The following LARGE1 variants were observed in gnomAD, a reference collection of about 807,000 sequenced individuals.
LARGE1 encodes xylosyl- and glucuronyltransferase LARGE1.
LARGE1 carries 43 observed loss-of-function variants against 87.6 expected under a neutral mutation model. The observed-to-expected ratio is 0.49, with a 90% CI of 0.38 to 0.63. The LOEUF (loss-of-function observed/expected upper bound fraction) is 0.63. Ranked by LOEUF, LARGE1 falls within the 30% of genes least tolerant of loss-of-function variation. LARGE1 has a pLI of 0.00. For synonymous variants in LARGE1, 434 were observed against 394.6 expected (o/e 1.10, Z -1.18); for missense variants, 802 against 1,000.2 (o/e 0.80, Z 2.67).
intron 1 of LARGE1, among the ~76,000 whole-genome samples, chr22:33,902,198 G>A (rs553013218): frequency 5.9e-5 from 9 of 152,234 alleles, no homozygotes; most frequent in East Asian, 1.9e-4. Flanking sequence ...ACTTTGGTCC[G>A]TAAGACACAC....
At chr22:33,849,130 T>G (rs2063512350) in intron 1 of LARGE1, among the ~76,000 whole-genome samples, 1 of 152,158 alleles carries the variant, frequency 6.6e-6, no homozygotes, top group Admixed American at 6.5e-5. Context: ...CCATTTCTGG[T>G]CTAGGAATGA....
intron 9 of LARGE1, among the ~76,000 whole-genome samples, chr22:33,377,921 T>C (rs2065038718): frequency 6.6e-6 from 1 of 152,228 alleles, no homozygotes; most frequent in South Asian, 2.1e-4. Context: ...CTATTCATTT[T>C]TTGAGAATCT....
At chr22:33,644,154 A>T (rs2080532128) in intron 3 of LARGE1, among the ~76,000 whole-genome samples, 1 of 152,234 alleles carries the variant, frequency 6.6e-6, no homozygotes, top group Admixed American at 6.5e-5. Context: ...TCAATGTGAA[A>T]ATCCTCGGTA....
exon 12 of LARGE1, chr22:33,164,005 C>T (rs1488113748): frequency 6.6e-6 from 1 of 152,160 alleles, no homozygotes; most frequent in East Asian, 1.9e-4. Context: ...TTTCAGCAAA[C>T]AATATTAACA....
chr22:33,114,298 T>C, the LARGE1 span, among the ~76,000 whole-genome samples: 1 of 152,198 alleles, frequency 6.6e-6, no homozygotes, highest in African/African-American at 2.4e-5. Context: ...ATATAATTGG[T>C]AGCAGTAGTA....
At chr22:33,090,600 AGT>A in the LARGE1 span, among the ~76,000 whole-genome samples, 2 of 152,164 alleles carry the variant, frequency 1.3e-5, no homozygotes, top group Non-Finnish European at 2.9e-5. Flanking sequence ...TCTGGAGTGG[AGT>A]GATAGCAATG....
chr22:33,911,129 G>A (rs1029178581), intron 1 of LARGE1, among the ~76,000 whole-genome samples: 3 of 152,204 alleles, frequency 2.0e-5, no homozygotes, highest in South Asian at 2.1e-4. Context: ...CTGGAAGAAC[G>A]TGCTTTGGGT....
At chr22:33,388,368 A>G (rs768250427) in intron 7 of LARGE1, among the ~76,000 whole-genome samples, 19 of 152,188 alleles carry the variant, frequency 1.2e-4, no homozygotes, top group Non-Finnish European at 5.9e-5. Flanking sequence ...GTCTTGAAAC[A>G]TCTTCAACTA....
intron 1 of LARGE1, among the ~76,000 whole-genome samples, chr22:33,842,293 A>G (rs753846770): frequency 6.6e-6 from 1 of 152,236 alleles, no homozygotes; most frequent in Non-Finnish European, 1.5e-5. Context: ...GCTAGAGATT[A>G]GAATCTCAAG....
At chr22:33,799,552 T>C (rs2086094272) in intron 1 of LARGE1, among the ~76,000 whole-genome samples, 1 of 152,154 alleles carries the variant, frequency 6.6e-6, no homozygotes, top group Non-Finnish European at 1.5e-5. Context: ...GCGATTCTCC[T>C]GCCTCAGCTG....
chr22:33,460,959 T>C (rs1330894840), intron 6 of LARGE1, among the ~76,000 whole-genome samples: 2 of 152,184 alleles, frequency 1.3e-5, no homozygotes, highest in Non-Finnish European at 2.9e-5. Context: ...AACCATCTTG[T>C]AGCCTGGCAG....
At chr22:33,665,759 G>A (rs1025036860) in intron 2 of LARGE1, among the ~76,000 whole-genome samples, 1 of 152,126 alleles carries the variant, frequency 6.6e-6, no homozygotes, top group African/African-American at 2.4e-5. Flanking sequence ...GGGCATGGTG[G>A]TGGGCGCCTG....
chr22:33,444,740 T>C (rs2067619057), intron 6 of LARGE1, among the ~76,000 whole-genome samples: 1 of 152,224 alleles, frequency 6.6e-6, no homozygotes, highest in Non-Finnish European at 1.5e-5. Context: ...TATTCATCTA[T>C]TCAACAAATA....
chr22:33,899,985 A>G (rs2065242017), intron 1 of LARGE1, among the ~76,000 whole-genome samples: 1 of 152,282 alleles, frequency 6.6e-6, no homozygotes, highest in South Asian at 2.1e-4. Flanking sequence ...TTTTTCCCCT[A>G]ACCATTGCAA....
At chr22:33,608,041 G>T (rs1233541702) in intron 4 of LARGE1, among the ~76,000 whole-genome samples, 2 of 152,188 alleles carry the variant, frequency 1.3e-5, no homozygotes. Context: ...GCTTACCTGA[G>T]GGCCAAGTCA....
the LARGE1 span, among the ~76,000 whole-genome samples, chr22:33,111,182 G>A: frequency 3.3e-5 from 5 of 152,262 alleles, no homozygotes; most frequent in African/African-American, 7.2e-5. Context: ...ATGGGTGAGG[G>A]CTGGGTTGAG....
At chr22:33,509,643 G>A (rs980671506) in intron 6 of LARGE1, among the ~76,000 whole-genome samples, 3 of 151,722 alleles carry the variant, frequency 2.0e-5, no homozygotes, top group Admixed American at 1.3e-4. Flanking sequence ...GTACAGATAG[G>A]GTCTTGCTAT....
intron 11 of LARGE1, 95 bp from the exon 12 acceptor site, chr22:33,304,602 T>C (rs966903050): frequency 2.7e-5 from 36 of 1,312,862 alleles, no homozygotes; most frequent in Admixed American, 1.7e-4. Context: ...TGACACTTGA[T>C]CAACCAGCTG....
At chr22:33,453,607 G>A (rs1322131011) in intron 6 of LARGE1, among the ~76,000 whole-genome samples, 3 of 152,072 alleles carry the variant, frequency 2.0e-5, no homozygotes, top group East Asian at 3.9e-4. Context: ...GGTCCTCTGC[G>A]TGCACCGTGA....
Sources: allele counts gnomAD v4.1 joint callset (sites outside exome capture counted in the v4.1 genomes callset), GRCh38; gene constraint gnomAD v4.1.1; transcripts MANE v1.5; gene names NCBI Gene and HGNC (gene_info 2026-07-23, HGNC 2026-07-21).